Variants in KIF1A observed in about 807,000 individuals in gnomAD.
The protein encoded by KIF1A is kinesin family member 1A.
In KIF1A, 46 loss-of-function variants were observed where a neutral mutation model predicts 227.3. That is an observed-to-expected ratio of 0.20 (90% CI 0.16 to 0.26). KIF1A has a LOEUF of 0.26. KIF1A is among the 10% of genes least tolerant of loss of function. The pLI is 1.00. For synonymous variants in KIF1A, 1,022 were observed against 1,012.8 expected (o/e 1.01, Z -0.17); for missense variants, 1,683 against 2,485.9 (o/e 0.68, Z 6.87).
chr2:240,776,541 C>A (rs73102658), intron 10 of KIF1A, among the ~76,000 whole-genome samples: 5,820 of 152,332 alleles, frequency 0.038, 137 homozygotes, highest in Non-Finnish European at 0.054. Flanking sequence ...CATGCTCTTG[C>A]TGCCTCTTTG....
chr2:240,783,552 C>A (rs1463350234), intron 8 of KIF1A, among the ~76,000 whole-genome samples, 187 bp downstream of exon 8: 1 of 152,180 alleles, frequency 6.6e-6, no homozygotes, highest in Non-Finnish European at 1.5e-5. Context: ...GTGTGCCCAG[C>A]GCTGGTGCCC....
chr2:240,750,629 C>T (rs550870603), intron 27 of KIF1A, 82 bp from the exon 28 acceptor site: 1 of 983,800 alleles, frequency 1.0e-6, no homozygotes, highest in South Asian at 1.4e-5. Context: ...TGGCCTGGCT[C>T]ACGACACAAC....
chr2:240,779,601 G>GTTCCTCACTCAC (rs1559521177), intron 10 of KIF1A, among the ~76,000 whole-genome samples: 12 of 142,414 alleles, frequency 8.4e-5, no homozygotes, highest in African/African-American at 3.2e-4. Context: ...TCCACACTCA[G>GTTCCTCACTCAC]TTCCTCACAG....
Position 240,769,608 on chromosome 2 carries a change from CA to C in KIF1A, c.1421+18del. 1 of 1,607,838 alleles carries C rather than the reference CA, an allele frequency of 6.2e-7. No individual in the cohort carries two copies. ...TGGCTGCACCCCTCCCCCTGGGCCT[CA>C]GTTTCCCCGCTGCACACCTCTCCAT... On this transcript the variant is annotated intron_variant, in intron 16 of 48. Coordinates refer to ENST00000498729, the MANE Select transcript of KIF1A (RefSeq NM_001244008.2).
At chr2:240,807,078 ATGTGTGTGTGTGTGTGTGTGTGTG>A (rs67918205) in intron 1 of KIF1A, among the ~76,000 whole-genome samples, 6 of 95,252 alleles carry the variant, frequency 6.3e-5, no homozygotes, top group African/African-American at 2.2e-4. Context: ...CCTCATATAT[ATGTGTGTGTGTGTGTGTGTGTGTG>A]TGTGTGTGTG....
At chr2:240,804,868 GAGA>G (rs1298111346) in intron 1 of KIF1A, among the ~76,000 whole-genome samples, 3 of 152,042 alleles carry the variant, frequency 2.0e-5, no homozygotes, top group African/African-American at 7.2e-5. Context: ...ATCCTCCCAG[GAGA>G]AGGCTTCCTT....
chr2:240,733,040 AG>A (rs113763660), intron 38 of KIF1A, among the ~76,000 whole-genome samples: 4 of 46,008 alleles, frequency 8.7e-5, no homozygotes, highest in East Asian at 8.3e-4. Context: ...AGGGGGAATG[AG>A]GGGGGGATGA....
intron 1 of KIF1A, among the ~76,000 whole-genome samples, chr2:240,807,653 A>T (rs1164143721): frequency 6.6e-6 from 1 of 152,246 alleles, no homozygotes; most frequent in Non-Finnish European, 1.5e-5. Flanking sequence ...ACAGATATCG[A>T]GAGCCAACTG....
Position 240,745,514 on chromosome 2 carries a change from G to A in KIF1A, c.3378C>T (p.Phe1126=), listed in dbSNP as rs2048484460. 6.2e-7 allele frequency: 1 copy of A among 1,610,566 alleles called. No individual in the cohort carries two copies. Among genetic ancestry groups the A allele is most frequent in the Non-Finnish European group, 8.5e-7 (1 of 1,177,762 alleles). The part of the protein sequence containing the change: ...EYADIFCQFN[F]IHRHDEAFST... ...AGAAGGCCTCGTCGTGGCGGTGGATGAAGCTGCAAAGCAGAGGAGATGCTT... is the reference window on the plus strand; with the variant it reads ...AGAAGGCCTCGTCGTGGCGGTGGATAAAGCTGCAAAGCAGAGGAGATGCTT... The change falls in exon 32 of 49, where the codon TTC becomes TTT. Residue 1126 remains phenylalanine (F), a synonymous_variant. Coordinates refer to ENST00000498729, the MANE Select transcript of KIF1A (RefSeq NM_001244008.2).
At chr2:240,750,720 C>T (rs985263886) in intron 27 of KIF1A, among the ~76,000 whole-genome samples, 173 bp from the exon 28 acceptor site, 2 of 152,150 alleles carry the variant, frequency 1.3e-5, no homozygotes, top group Non-Finnish European at 2.9e-5. Flanking sequence ...ACAGGCAGGG[C>T]AGGCACTCAC....
intron 15 of KIF1A, 116 bp from the exon 16 acceptor site, chr2:240,769,822 C>G: frequency 1.3e-6 from 1 of 754,612 alleles, no homozygotes; most frequent in Non-Finnish European, 2.2e-6. Flanking sequence ...ATTCCTGGGC[C>G]CGACAAGGCA....
intron 10 of KIF1A, among the ~76,000 whole-genome samples, chr2:240,779,138 C>A (rs746399331): frequency 6.7e-6 from 1 of 149,560 alleles, no homozygotes; most frequent in Non-Finnish European, 1.5e-5. Context: ...ACACTCAGTT[C>A]CTCACAGTTC....
In KIF1A at chr2:240,786,807, T is replaced by G. The variant is rs376542026; in HGVS notation, c.430-294A>C. The stretch of plus-strand genomic sequence containing the variant: ...CTGAGTGAGGGGGTGGGGGCTGCCA[T>G]CAGGACCCCTGAGTGAGAGGGTGGG... On this transcript the variant is annotated intron_variant, in intron 5 of 48. Transcript: ENST00000498729. Among the ~76,000 whole-genome samples the G allele has an allele frequency of 1.5e-3, 166 of 113,980 alleles. 7 individuals are homozygous for G. The highest frequency in any genetic ancestry group is 3.3e-3 in the East Asian group (14 of 4,184). 74.8% of individuals were successfully genotyped at this position (113,980 alleles called of 152,430 possible).
In KIF1A at chr2:240,751,795, T is replaced by C. The variant is rs972202398; in HGVS notation, c.2859-1248A>G. On this transcript the variant is annotated intron_variant, in intron 27 of 48. Coordinates refer to ENST00000498729, the MANE Select transcript of KIF1A (RefSeq NM_001244008.2). ...CCCAGCACAGTCAAGCTCAGCCTTG[T>C]GGCCCATGGGTCCATGGATGCCCCG... 2.6e-5 allele frequency among the ~76,000 whole-genome samples: 4 copies of C among 152,234 alleles called. No individual in the cohort carries two copies. The East Asian group carries it at 5.8e-4, about 22-fold the overall frequency.
rs1559529836 is a variant in KIF1A at position 240,786,739 on chromosome 2, G to GAGTGAGAGGGTAGGGGCCACCAT, written c.430-227_430-226insATGGTGGCCCCTACCCTCTCACT. Among the ~76,000 whole-genome samples the GAGTGAGAGGGTAGGGGCCACCAT allele has an allele frequency of 4.6e-3, 149 of 32,440 alleles. 3 individuals are homozygous for GAGTGAGAGGGTAGGGGCCACCAT. Among genetic ancestry groups the GAGTGAGAGGGTAGGGGCCACCAT allele is most frequent in the African/African-American group, 0.017 (138 of 7,920 alleles). The allele number at this position is 32,440 out of a possible 152,430, so 21.3% of individuals were successfully genotyped here. A position where few individuals can be genotyped will look rare whatever the true frequency, so the allele number is the denominator to read the frequency against. ...CTGAGTGAGGGGGTGGGGGCTGCCTGCTGGGCCCCTGAGTGAGAGGGTAGG... is the reference window on the plus strand; with the variant it reads ...CTGAGTGAGGGGGTGGGGGCTGCCTGAGTGAGAGGGTAGGGGCCACCATCTGGGCCCCTGAGTGAGAGGGTAGG... On this transcript the variant is annotated intron_variant, in intron 5 of 48. Coordinates refer to ENST00000498729, the MANE Select transcript of KIF1A (RefSeq NM_001244008.2).
chr2:240,734,801 G>T (rs1035267918), intron 38 of KIF1A: 3 of 1,282,632 alleles, frequency 2.3e-6, no homozygotes, highest in Non-Finnish European at 2.1e-6. Context: ...CAGCGGGAGC[G>T]GGGTGGGGGA....
intron 15 of KIF1A, 46 bp downstream of exon 15, chr2:240,770,925 C>T: frequency 1.3e-6 from 2 of 1,599,674 alleles, no homozygotes; most frequent in Non-Finnish European, 1.7e-6. Flanking sequence ...TCCGAGCTCC[C>T]CACTCCCAGA....
intron 27 of KIF1A, among the ~76,000 whole-genome samples, chr2:240,753,886 C>T (rs979614074): frequency 6.6e-6 from 1 of 152,192 alleles, no homozygotes; most frequent in East Asian, 1.9e-4. Context: ...GCAAGGGACT[C>T]ATCTCCAGCT....
chr2:240,791,798 A>C (rs2055738637), intron 2 of KIF1A, among the ~76,000 whole-genome samples: 1 of 152,100 alleles, frequency 6.6e-6, no homozygotes, highest in South Asian at 2.1e-4. Flanking sequence ...AGTGGGGCTC[A>C]GTTGCAGCTG....
Sources: gnomAD v4.1 joint callset for allele counts (sites outside exome capture counted in the v4.1 genomes callset) on GRCh38, gnomAD v4.1.1 for gene constraint, MANE v1.5 for transcripts, NCBI Gene and HGNC (gene_info 2026-07-23, HGNC 2026-07-21) for gene names.